Variants in PHACTR4 observed in about 807,000 individuals in gnomAD.
PHACTR4 encodes protein phosphatase 1, regulatory subunit 124.
PHACTR4 carries 51 observed loss-of-function variants against 72.7 expected under a neutral mutation model. The ratio of observed to expected loss-of-function variants is 0.70; its 90% CI spans 0.56 to 0.89. The LOEUF is 0.89. Ranked by LOEUF, PHACTR4 falls within the 40% of genes least tolerant of loss-of-function variation. The pLI is 0.00. For synonymous variants in PHACTR4, 255 were observed against 302.5 expected (o/e 0.84, Z 1.63); for missense variants, 731 against 861.8 (o/e 0.85, Z 1.90).
At chr1:28,460,321 T>A in intron 4 of PHACTR4, 29 bp downstream of exon 4, 4 of 1,467,062 alleles carry the variant, frequency 2.7e-6, no homozygotes, top group Non-Finnish European at 3.8e-6. Flanking sequence ...AGCATATGCC[T>A]GTCTCTGTGC....
At chr1:28,482,211 T>C (rs1660326206) in intron 9 of PHACTR4, among the ~76,000 whole-genome samples, 2 of 152,302 alleles carry the variant, frequency 1.3e-5, no homozygotes, top group African/African-American at 4.8e-5. Flanking sequence ...TGTGAGAGCT[T>C]TAAACCATGA....
intron 2 of PHACTR4, chr1:28,438,040 C>T (rs1557813473): frequency 4.5e-6 from 3 of 664,692 alleles, no homozygotes; most frequent in Non-Finnish European, 3.7e-6. Flanking sequence ...AAGTCAGGAA[C>T]GGGGGTGTGG....
chr1:28,414,427 CAAAAAAAAA>C (rs765271793), intron 2 of PHACTR4, among the ~76,000 whole-genome samples: 1 of 61,232 alleles, frequency 1.6e-5, no homozygotes, highest in Non-Finnish European at 3.5e-5. Flanking sequence ...TCCTCTGTCT[CAAAAAAAAA>C]AAAAAAAAAA....
intron 12 of PHACTR4, 123 bp downstream of exon 12, chr1:28,491,910 A>G (rs1661062578): frequency 8.2e-7 from 1 of 1,216,526 alleles, no homozygotes; most frequent in Non-Finnish European, 1.1e-6. Flanking sequence ...ATAATATTAA[A>G]TTTCAAATCA....
intron 2 of PHACTR4, among the ~76,000 whole-genome samples, chr1:28,420,226 C>T (rs1569892387): frequency 6.6e-6 from 1 of 152,152 alleles, no homozygotes; most frequent in Non-Finnish European, 1.5e-5. Context: ...TGTCTTCCCA[C>T]CCAAATCTCA....
At chr1:28,407,669 A>G (rs1654454819) in intron 2 of PHACTR4, among the ~76,000 whole-genome samples, 1 of 152,202 alleles carries the variant, frequency 6.6e-6, no homozygotes, top group South Asian at 2.1e-4. Context: ...TGACATATCT[A>G]TTGATGTTTG....
intron 13 of PHACTR4, among the ~76,000 whole-genome samples, chr1:28,494,926 CA>C (rs1264915083): frequency 6.6e-6 from 1 of 152,106 alleles, no homozygotes; most frequent in Admixed American, 6.6e-5. Flanking sequence ...AAGAGACTAG[CA>C]GCAAGGAAAA....
In PHACTR4 at chr1:28,433,462, C is replaced by CTTTTTTTTT. The variant is rs567134987; in HGVS notation, c.17-25616_17-25608dup. 2.0e-4 allele frequency among the ~76,000 whole-genome samples: 26 copies of CTTTTTTTTT among 130,502 alleles called. 1 individual carries two copies. The highest frequency in any genetic ancestry group is 2.7e-4 in the Non-Finnish European group (17 of 62,656). 85.6% of individuals were successfully genotyped at this position (130,502 alleles called of 152,430 possible). A position where few individuals can be genotyped will look rare whatever the true frequency, so the allele number is the denominator to read the frequency against. On this transcript the variant is annotated intron_variant, in intron 2 of 13. Transcript: ENST00000373839. Reference sequence around the variant, plus strand: ...CTTTCTTTCTTTTTTTTCTTTTTTTCTTTTTTTTTTTTTTTGAGACAGTCT... The same window carrying CTTTTTTTTT: ...CTTTCTTTCTTTTTTTTCTTTTTTTCTTTTTTTTTTTTTTTTTTTTTTTTGAGACAGTCT...
intron 2 of PHACTR4, among the ~76,000 whole-genome samples, chr1:28,418,681 A>G (rs1569886934): frequency 6.6e-6 from 1 of 152,082 alleles, no homozygotes; most frequent in East Asian, 1.9e-4. Context: ...GCCAGGTGCA[A>G]TGGCTCACAC....
At chr1:28,472,899 G>A (rs549535724) in intron 6 of PHACTR4, among the ~76,000 whole-genome samples, 79 of 146,906 alleles carry the variant, frequency 5.4e-4, no homozygotes, top group South Asian at 1.1e-3. Flanking sequence ...TTACAGGTGT[G>A]AGCCACCGTG....
At chr1:28,448,621 G>A (rs1657660865) in intron 2 of PHACTR4, among the ~76,000 whole-genome samples, 3 of 147,042 alleles carry the variant, frequency 2.0e-5, no homozygotes, top group South Asian at 4.3e-4. Flanking sequence ...AATTAGCTGG[G>A]CATGGTGGTG....
intron 1 of PHACTR4, among the ~76,000 whole-genome samples, chr1:28,374,046 A>T (rs1401808677): frequency 6.6e-6 from 1 of 152,220 alleles, no homozygotes; most frequent in Admixed American, 6.6e-5. Context: ...TTTACAAGGA[A>T]CTGGAATTTC....
At chr1:28,441,602 T>G (rs1657037362) in intron 2 of PHACTR4, among the ~76,000 whole-genome samples, 1 of 152,184 alleles carries the variant, frequency 6.6e-6, no homozygotes. Flanking sequence ...GAATCTATGC[T>G]GTGGTATCCA....
At chr1:28,420,990 G>A (rs1354192048) in intron 2 of PHACTR4, among the ~76,000 whole-genome samples, 1 of 152,168 alleles carries the variant, frequency 6.6e-6, no homozygotes, top group Non-Finnish European at 1.5e-5. Flanking sequence ...TATGATGCCA[G>A]TTTGGTCACA....
intron 2 of PHACTR4, chr1:28,438,169 C>T: frequency 7.9e-7 from 1 of 1,260,958 alleles, no homozygotes; most frequent in Non-Finnish European, 1.0e-6. Context: ...TGAAGAGTGC[C>T]AGTGTGAAGA....
At chr1:28,477,685 A>T (rs1323213218) in intron 8 of PHACTR4, among the ~76,000 whole-genome samples, 1 of 151,942 alleles carries the variant, frequency 6.6e-6, no homozygotes, top group Non-Finnish European at 1.5e-5. Flanking sequence ...GTGCCACCGA[A>T]CACTAGATCT....
Position 28,487,723 on chromosome 1 carries a change from TG to T in PHACTR4, c.1761-1446del, listed in dbSNP as rs1230923362. Reference sequence around the variant, plus strand: ...TCAAAAATGACAAATTGTAGTTTTTTGTTGTTTTTTTTTTTTTTTTTTTTTT... The same window carrying T: ...TCAAAAATGACAAATTGTAGTTTTTTTTGTTTTTTTTTTTTTTTTTTTTTT... On this transcript the variant is annotated intron_variant, in intron 9 of 13. Transcript: ENST00000373839. Among the ~76,000 whole-genome samples, 67 of 111,938 alleles carry T rather than the reference TG, an allele frequency of 6.0e-4. 3 individuals are homozygous for T. The highest frequency in any genetic ancestry group is 2.6e-3 in the African/African-American group (64 of 24,402). The allele number at this position is 111,938 out of a possible 152,430, so 73.4% of individuals were successfully genotyped here. A position where few individuals can be genotyped will look rare whatever the true frequency, so the allele number is the denominator to read the frequency against.
chr1:28,469,410 G>T (rs954122529), intron 6 of PHACTR4, among the ~76,000 whole-genome samples: 4 of 152,288 alleles, frequency 2.6e-5, no homozygotes, highest in African/African-American at 9.6e-5. Context: ...AGCAATAGCT[G>T]AACGGGTGAA....
chr1:28,407,295 A>G, intron 1 of PHACTR4, 115 bp from the exon 2 acceptor site: 1 of 496,388 alleles, frequency 2.0e-6, no homozygotes, highest in East Asian at 3.4e-5. Context: ...CATTTCTATA[A>G]TGTTCCACTT....
Sources: gnomAD v4.1 joint callset for allele counts (sites outside exome capture counted in the v4.1 genomes callset) on GRCh38, gnomAD v4.1.1 for gene constraint, MANE v1.5 for transcripts, NCBI Gene and HGNC (gene_info 2026-07-23, HGNC 2026-07-21) for gene names.